The following LRCH2 variants were observed in gnomAD, a reference collection of about 807,000 sequenced individuals.
The protein encoded by LRCH2 is leucine-rich repeat and calponin homology domain-containing protein 2.
A neutral mutation model predicts 68.9 loss-of-function variants in LRCH2; 38 were observed. The ratio of observed to expected loss-of-function variants is 0.55; its 90% CI spans 0.43 to 0.72. LRCH2 has a LOEUF of 0.72. Among genes scored for constraint, LRCH2 ranks in the 30% least tolerant of loss-of-function variants. LRCH2 has a pLI of 0.00. For synonymous variants in LRCH2, 191 were observed against 208.1 expected, an observed-to-expected ratio of 0.92 and a Z score of 0.71; for missense variants, 528 against 572.9, an observed-to-expected ratio of 0.92 and a Z score of 0.80.
At chrX:115,165,785 AT>A in intron 8 of LRCH2, 55 bp downstream of exon 8, 1 of 991,620 alleles carries the variant, frequency 1.0e-6, no homozygotes, top group Non-Finnish European at 1.4e-6. Context: ...TTCAAAGCCC[AT>A]TTTTAATGTG....
intron 12 of LRCH2, among the ~76,000 whole-genome samples, chrX:115,150,412 A>C (rs1480648318): frequency 1.8e-5 from 2 of 110,502 alleles, no homozygotes; most frequent in African/African-American, 6.5e-5. Context: ...ACAAAGACTA[A>C]AAAAAACTAA....
At chrX:115,176,695 C>G (rs2072650819) in intron 5 of LRCH2, among the ~76,000 whole-genome samples, 1 of 109,954 alleles carries the variant, frequency 9.1e-6, no homozygotes, top group South Asian at 3.8e-4. Flanking sequence ...AGAGATTACT[C>G]TTGCAATGTC....
Position 115,111,830 on chromosome X carries a change from G to A in LRCH2, c.*1386C>T, listed in dbSNP as rs1240960088. Reference sequence around the variant, plus strand: ...TATATATACCCTTTGAAATACCCAGGCCAACATTTTTAATAAGTTGCATCC... The same window carrying A: ...TATATATACCCTTTGAAATACCCAGACCAACATTTTTAATAAGTTGCATCC... On this transcript the variant is annotated 3_prime_UTR_variant, in exon 21 of 21. Coordinates refer to ENST00000317135, the MANE Select transcript of LRCH2 (RefSeq NM_020871.4). 2 of 111,274 alleles carry A rather than the reference G, an allele frequency of 1.8e-5. No homozygotes were observed. The highest frequency in any genetic ancestry group is 3.8e-5 in the Non-Finnish European group (2 of 52,860). The allele number at this position is 111,274 out of a possible 1,213,427, so 9.2% of individuals were successfully genotyped here.
intron 16 of LRCH2, among the ~76,000 whole-genome samples, chrX:115,125,321 C>T (rs999461769): frequency 1.9e-4 from 19 of 100,769 alleles, no homozygotes; most frequent in Admixed American, 3.4e-4. Context: ...GCACAAGAAT[C>T]GCTTGAATGT....
intron 14 of LRCH2, among the ~76,000 whole-genome samples, chrX:115,141,361 A>C (rs1556534188): frequency 9.0e-6 from 1 of 111,606 alleles, no homozygotes; most frequent in East Asian, 2.8e-4. Flanking sequence ...GAGACACAAG[A>C]CATCAATCAA....
intron 2 of LRCH2, among the ~76,000 whole-genome samples, chrX:115,186,284 C>T (rs958790734): frequency 6.6e-5 from 7 of 105,313 alleles, no homozygotes; most frequent in African/African-American, 2.5e-4. Flanking sequence ...ATTTGGGAGG[C>T]GGAGGTTGCA....
intron 1 of LRCH2, among the ~76,000 whole-genome samples, chrX:115,209,952 G>GT (rs1376942694): frequency 9.0e-6 from 1 of 111,460 alleles, no homozygotes; most frequent in East Asian, 2.8e-4. Context: ...ATGATTTAGA[G>GT]TATCTGGTGG....
chrX:115,191,406 C>T, intron 1 of LRCH2: 2 of 1,157,068 alleles, frequency 1.7e-6, no homozygotes, highest in Middle Eastern at 2.3e-4. Context: ...GGGGCCACGA[C>T]AGTTCTGGCC....
intron 11 of LRCH2, among the ~76,000 whole-genome samples, chrX:115,159,208 G>A (rs1382063117): frequency 9.1e-6 from 1 of 110,266 alleles, no homozygotes; most frequent in Admixed American, 9.7e-5. Context: ...GTTAATTATA[G>A]GCACAATGTT....
chrX:115,205,803 T>A (rs1456357626), intron 1 of LRCH2, among the ~76,000 whole-genome samples: 2 of 110,568 alleles, frequency 1.8e-5, no homozygotes, highest in Non-Finnish European at 3.8e-5. Flanking sequence ...CCAGGCATAG[T>A]GGCAAGCACC....
chrX:115,191,347 C>A (rs782134497), intron 1 of LRCH2: 1 of 1,149,372 alleles, frequency 8.7e-7, no homozygotes, highest in Non-Finnish European at 1.2e-6. Flanking sequence ...GTACCGAGGC[C>A]GCTCCCTTGA....
At chrX:115,152,383 T>C (rs1556538526) in intron 12 of LRCH2, among the ~76,000 whole-genome samples, 1 of 111,773 alleles carries the variant, frequency 8.9e-6, no homozygotes, top group Non-Finnish European at 1.9e-5. Context: ...TGTCATTTAA[T>C]CAAAAATTCA....
intron 14 of LRCH2, among the ~76,000 whole-genome samples, chrX:115,141,790 C>T (rs1195196276): frequency 9.4e-6 from 1 of 106,439 alleles, no homozygotes; most frequent in Admixed American, 1.0e-4. Flanking sequence ...AGGAAAATTG[C>T]TTGAACCCAA....
intron 1 of LRCH2, among the ~76,000 whole-genome samples, chrX:115,225,860 C>T (rs1178675957): frequency 8.9e-6 from 1 of 111,874 alleles, no homozygotes; most frequent in Admixed American, 9.5e-5. Context: ...CATTCGTGAT[C>T]AGGGGAATGT....
At chrX:115,192,051 C>A in intron 1 of LRCH2, 1 of 1,166,436 alleles carries the variant, frequency 8.6e-7, no homozygotes, top group Non-Finnish European at 1.1e-6. Flanking sequence ...GCTCGCACGA[C>A]ACCCACAGCA....
At chrX:115,230,409 G>A (rs2073145594) in intron 1 of LRCH2, among the ~76,000 whole-genome samples, 1 of 110,947 alleles carries the variant, frequency 9.0e-6, no homozygotes. Flanking sequence ...TCCTAGAGAG[G>A]CTGCCATAAT....
At position 115,184,478 on chromosome X, in the gene LRCH2, A is replaced by C. The variant is rs2072716929; in HGVS notation, c.554T>G (p.Val185Gly). The change falls in exon 3 of 21, where the codon GTC becomes GGC. Residue 185 changes from valine (V) to glycine (G), a missense_variant. By Grantham distance (109) the Val-to-Gly change is moderately radical. Transcript: ENST00000317135. ...GGATACCAGTTTATTATTACTGACG[A>C]CCAAAACTTTAAGGGGAAGATCAAA... ...YLFDLPLKVLVVSNNKLVSIP... is the reference protein window; with the variant it reads ...YLFDLPLKVLGVSNNKLVSIP... 2.5e-6 allele frequency: 3 copies of C among 1,188,505 alleles called. No homozygotes were observed. Among genetic ancestry groups the C allele is most frequent in the Non-Finnish European group, 3.4e-6 (3 of 884,073 alleles).
chrX:115,224,077 CT>C (rs1170838003), intron 1 of LRCH2, among the ~76,000 whole-genome samples: 4 of 111,772 alleles, frequency 3.6e-5, no homozygotes, highest in Non-Finnish European at 7.5e-5. Context: ...CATAAATGAA[CT>C]TTGAAAACAT....
Position 115,150,040 on chromosome X carries a change from T to A in LRCH2, c.1560A>T (p.Leu520Phe). Residue 520 changes from leucine (L) to phenylalanine (F), a missense_variant, in exon 13 of 21, where the codon TTA becomes TTT. Coordinates refer to ENST00000317135, the MANE Select transcript of LRCH2 (RefSeq NM_020871.4). ...TTCTTACCTGCCAGGTGAGGGGTGA[T>A]AATGGTGAATTAACTTCATCTGCTG... Reference protein sequence around the residue: ...SVSADEVNSPLSPLTWQPLEN... With the variant: ...SVSADEVNSPFSPLTWQPLEN... 8.5e-7 allele frequency: 1 copy of A among 1,172,665 alleles called. No homozygotes were observed. Among genetic ancestry groups the A allele is most frequent in the Non-Finnish European group, 1.1e-6 (1 of 874,383 alleles).
Sources: allele counts gnomAD v4.1 joint callset (sites outside exome capture counted in the v4.1 genomes callset), GRCh38; gene constraint gnomAD v4.1.1; transcripts MANE v1.5; gene names NCBI Gene and HGNC (gene_info 2026-07-23, HGNC 2026-07-21).